The following GALNT16 variants were observed in gnomAD, a reference collection of about 807,000 sequenced individuals.
GALNT16 encodes the protein polypeptide N-acetylgalactosaminyltransferase 16.
Under a neutral mutation model 76.1 loss-of-function variants are expected in GALNT16, and 40 were observed. That is an observed-to-expected ratio of 0.53 (90% CI 0.41 to 0.68). GALNT16 has a LOEUF of 0.68. Among genes scored for constraint, GALNT16 ranks in the 30% least tolerant of loss-of-function variants. The pLI is 0.00. For missense variants in GALNT16, 621 were observed against 731.9 expected, an observed-to-expected ratio of 0.85 and a Z score of 1.75; for synonymous variants, 276 against 285.2, an observed-to-expected ratio of 0.97 and a Z score of 0.32.
chr14:69,351,934 A>T (rs745560122), intron 14 of GALNT16, 97 bp from the exon 15 acceptor site: 4 of 1,160,374 alleles, frequency 3.4e-6, no homozygotes, highest in Non-Finnish European at 5.0e-6. Context: ...AGTTATATAC[A>T]AGGGCTGTGT....
At chr14:69,365,223 G>A in the GALNT16 span, among the ~76,000 whole-genome samples, 1 of 152,214 alleles carries the variant, frequency 6.6e-6, no homozygotes, top group Non-Finnish European at 1.5e-5. Context: ...TAAAGTGGGG[G>A]TAGGATCAGC....
the GALNT16 span, among the ~76,000 whole-genome samples, chr14:69,375,656 T>C: frequency 6.6e-6 from 1 of 152,200 alleles, no homozygotes; most frequent in African/African-American, 2.4e-5. Context: ...CTTTATTTTA[T>C]TGTGAGACAA....
chr14:69,351,788 G>A (rs2045639557), intron 14 of GALNT16: 1 of 413,630 alleles, frequency 2.4e-6, no homozygotes, highest in Non-Finnish European at 4.3e-6. Context: ...TGGCATGCAG[G>A]TGTAGTCCTA....
At chr14:69,318,541 A>G (rs1358284118) in intron 1 of GALNT16, among the ~76,000 whole-genome samples, 1 of 152,174 alleles carries the variant, frequency 6.6e-6, no homozygotes, top group Non-Finnish European at 1.5e-5. Context: ...ATGCATGTTT[A>G]GGTGATTCAG....
chr14:69,360,659 A>C (rs970396343), downstream of GALNT16, among the ~76,000 whole-genome samples: 1 of 151,982 alleles, frequency 6.6e-6, no homozygotes. Flanking sequence ...AGAGGAGAGA[A>C]GAATAGAAGA....
At chr14:69,370,068 G>A in the GALNT16 span, among the ~76,000 whole-genome samples, 2 of 152,154 alleles carry the variant, frequency 1.3e-5, no homozygotes, top group Admixed American at 1.3e-4. Flanking sequence ...CTAGGGAGGT[G>A]GTTAAGCAAG....
chr14:69,382,789 C>CAAA, the GALNT16 span, among the ~76,000 whole-genome samples: 36 of 103,158 alleles, frequency 3.5e-4, no homozygotes, highest in African/African-American at 1.3e-3. Flanking sequence ...ACTCTATCTC[C>CAAA]AAAAGAAAAA....
intron 5 of GALNT16, among the ~76,000 whole-genome samples, chr14:69,327,005 A>G (rs1327208661): frequency 1.3e-5 from 2 of 152,264 alleles, no homozygotes; most frequent in African/African-American, 4.8e-5. Context: ...CTTGGAAGCC[A>G]GAAGAAAGCA....
the GALNT16 span, among the ~76,000 whole-genome samples, chr14:69,367,265 C>T: frequency 1.2e-4 from 19 of 152,096 alleles, no homozygotes; most frequent in South Asian, 3.3e-3. Context: ...TTGTGCTCCA[C>T]CCCCGCAAAC....
At chr14:69,313,375 A>G (rs1201111990) in intron 1 of GALNT16, among the ~76,000 whole-genome samples, 1 of 152,224 alleles carries the variant, frequency 6.6e-6, no homozygotes, top group Non-Finnish European at 1.5e-5. Flanking sequence ...AGGGCGGGAA[A>G]TGGAGACCTG....
intron 1 of GALNT16, among the ~76,000 whole-genome samples, chr14:69,271,436 C>T (rs1320994640): frequency 1.3e-5 from 2 of 152,184 alleles, no homozygotes; most frequent in Admixed American, 6.5e-5. Flanking sequence ...CAGGTCTGAG[C>T]GAGAGTGCTC....
At position 69,324,745 on chromosome 14, in the gene GALNT16, C is replaced by T; in HGVS notation, c.389C>T (p.Thr130Ile). The change falls in exon 3 of 15, where the codon ACC becomes ATC. Residue 130 changes from threonine (T) to isoleucine (I), a missense_variant. Physicochemically the swap from Thr to Ile is moderately conservative, Grantham distance 89. Transcript: ENST00000448469. ...SDLPATSVII[T>I]FHNEARSTLL... is the part of the protein sequence containing the mutation. ...CTGCCAGCCACCAGCGTCATCATCACCTTCCACAATGAGGCCCGTTCCACC... is the reference window on the plus strand; with the variant it reads ...CTGCCAGCCACCAGCGTCATCATCATCTTCCACAATGAGGCCCGTTCCACC... 1 of 1,613,364 alleles carries T rather than the reference C, an allele frequency of 6.2e-7. No individual in the cohort carries two copies. The highest frequency in any genetic ancestry group is 8.5e-7 in the Non-Finnish European group (1 of 1,179,510).
In GALNT16 at chr14:69,352,130, G is replaced by T. The variant is rs144512254; in HGVS notation, c.1639G>T (p.Ala547Ser). Residue 547 changes from alanine (A) to serine (S), a missense_variant, in exon 15 of 15, where the codon GCC (alanine) becomes TCC (serine). Physicochemically the swap from Ala to Ser is moderately conservative, Grantham distance 99 (BLOSUM62 1). Transcript: ENST00000448469. ...QLVTSKCQADAQAQQWQLLPH... is the reference protein window; with the variant it reads ...QLVTSKCQADSQAQQWQLLPH... Reference sequence around the variant, plus strand: ...GGTGACCAGCAAGTGTCAGGCTGACGCCCAGGCCCAGCAGTGGCAGCTGTT... The same window carrying T: ...GGTGACCAGCAAGTGTCAGGCTGACTCCCAGGCCCAGCAGTGGCAGCTGTT... 3 of 1,613,562 alleles carry T rather than the reference G, an allele frequency of 1.9e-6. No individual in the cohort carries two copies. Among genetic ancestry groups the T allele is most frequent in the Non-Finnish European group, 2.5e-6 (3 of 1,179,632 alleles).
chr14:69,285,809 T>C (rs973402159), intron 1 of GALNT16, among the ~76,000 whole-genome samples: 1 of 152,138 alleles, frequency 6.6e-6, no homozygotes, highest in Non-Finnish European at 1.5e-5. Context: ...ACAGAGTTTC[T>C]TCATCTTCTG....
intron 10 of GALNT16, among the ~76,000 whole-genome samples, chr14:69,339,067 C>A (rs533984437): frequency 6.6e-6 from 1 of 152,218 alleles, no homozygotes; most frequent in African/African-American, 2.4e-5. Context: ...CTCATGGAGC[C>A]CCGAGTGCTG....
intron 1 of GALNT16, among the ~76,000 whole-genome samples, chr14:69,313,681 G>C (rs2045059627): frequency 6.6e-6 from 1 of 152,248 alleles, no homozygotes; most frequent in South Asian, 2.1e-4. Context: ...GGAGGCCTTA[G>C]GTGGGTTTCC....
chr14:69,363,125 G>A, the GALNT16 span, among the ~76,000 whole-genome samples: 1 of 152,212 alleles, frequency 6.6e-6, no homozygotes, highest in Non-Finnish European at 1.5e-5. Flanking sequence ...ACCGTTGTCT[G>A]CATCCCTGTC....
At chr14:69,361,379 C>T (rs2045722848), downstream of GALNT16, among the ~76,000 whole-genome samples, 1 of 152,336 alleles carries the variant, frequency 6.6e-6, no homozygotes, top group South Asian at 2.1e-4. Flanking sequence ...GAGAAGTTAA[C>T]ATATCTGCCC....
rs902107418 is a variant in GALNT16, at chr14:69,353,031, G to A, written c.*863G>A. ...TGTGTCAGGCTGAGACCTCTCTCTCGGGCATTAATGAACAGCTAGTGCCCT... is the reference window on the plus strand; with the variant it reads ...TGTGTCAGGCTGAGACCTCTCTCTCAGGCATTAATGAACAGCTAGTGCCCT... On this transcript the variant is annotated 3_prime_UTR_variant, in exon 15 of 15. Transcript: ENST00000448469. 2.6e-5 allele frequency among the ~76,000 whole-genome samples: 4 copies of A among 152,110 alleles called. No individual in the cohort carries two copies. Among genetic ancestry groups the A allele is most frequent in the Admixed American group, 6.5e-5 (1 of 15,282 alleles).
Sources: gnomAD v4.1 joint callset for allele counts (sites outside exome capture counted in the v4.1 genomes callset) on GRCh38, gnomAD v4.1.1 for gene constraint, MANE v1.5 for transcripts, NCBI Gene and HGNC (gene_info 2026-07-23, HGNC 2026-07-21) for gene names.